The following ACO2 variants were observed in gnomAD, a reference collection of about 807,000 sequenced individuals.
The protein encoded by ACO2 is aconitase 2.
A neutral mutation model predicts 84.5 loss-of-function variants in ACO2; 31 were observed. The ratio of observed to expected loss-of-function variants is 0.37; its 90% CI spans 0.28 to 0.50. The LOEUF (loss-of-function observed/expected upper bound fraction) is 0.50. Ranked by LOEUF, ACO2 falls within the 20% of genes least tolerant of loss-of-function variation. ACO2 has a pLI of 0.97. For synonymous variants in ACO2, 414 were observed against 412.7 expected, an observed-to-expected ratio of 1.00 and a Z score of -0.04; for missense variants, 685 against 1,029.3, an observed-to-expected ratio of 0.67 and a Z score of 4.58.
intron 1 of ACO2, among the ~76,000 whole-genome samples, chr22:41,487,476 TG>T (rs1231728577): frequency 6.6e-6 from 1 of 152,226 alleles, no homozygotes; most frequent in African/African-American, 2.4e-5. Flanking sequence ...AGTCTGGGAC[TG>T]GAGAAACATT....
In ACO2 at chr22:41,520,638, C is replaced by T. The variant is rs183345135; in HGVS notation, c.1138+362C>T. Among the ~76,000 whole-genome samples the T allele has an allele frequency of 1.7e-3, 251 of 151,940 alleles. 1 individual carries two copies. Among genetic ancestry groups the T allele is most frequent in the Middle Eastern group, 6.8e-3 (2 of 294 alleles). On this transcript the variant is annotated intron_variant, in intron 9 of 17. Transcript: ENST00000216254. ...TGGGTGGATCATGAGGTCAGGAGAT[C>T]GAGACCATCCTGGCTAACACGGTGA...
chr22:41,472,920 G>A (rs1157487110), intron 1 of ACO2, among the ~76,000 whole-genome samples: 2 of 152,172 alleles, frequency 1.3e-5, no homozygotes, highest in Non-Finnish European at 2.9e-5. Context: ...GACCTTGGGG[G>A]AAGTCATGTA....
intron 1 of ACO2, among the ~76,000 whole-genome samples, chr22:41,472,782 C>T (rs1181821441): frequency 6.6e-6 from 1 of 152,060 alleles, no homozygotes; most frequent in Non-Finnish European, 1.5e-5. Flanking sequence ...CACATTTATT[C>T]TCTGGTTTTT....
intron 1 of ACO2, among the ~76,000 whole-genome samples, chr22:41,485,591 C>T (rs2038143946): frequency 6.6e-6 from 1 of 152,038 alleles, no homozygotes; most frequent in Admixed American, 6.6e-5. Context: ...CAGGCGCCCA[C>T]CACCACGCCC....
intron 1 of ACO2, among the ~76,000 whole-genome samples, chr22:41,478,705 T>TA (rs1318007973): frequency 6.6e-6 from 1 of 151,988 alleles, no homozygotes; most frequent in Admixed American, 6.6e-5. Context: ...TTGTGGGACT[T>TA]ACCAAAGAGG....
Position 41,528,653 on chromosome 22 carries a change from G to C in ACO2, c.*40G>C, listed in dbSNP as rs1161085897. On this transcript the variant is annotated 3_prime_UTR_variant, in exon 18 of 18. Transcript: ENST00000216254. ...CGCCCCGCCGCTGGCGTCAAGTTCAGCTCCACGTGTGCCATCAGTGGATCC... is the reference window on the plus strand; with the variant it reads ...CGCCCCGCCGCTGGCGTCAAGTTCACCTCCACGTGTGCCATCAGTGGATCC... 6.2e-7 allele frequency: 1 copy of C among 1,604,908 alleles called. No individual in the cohort carries two copies. Among genetic ancestry groups the C allele is most frequent in the Non-Finnish European group, 8.5e-7 (1 of 1,177,584 alleles).
chr22:41,506,552 C>T (rs2066394947), intron 2 of ACO2, among the ~76,000 whole-genome samples: 1 of 152,174 alleles, frequency 6.6e-6, no homozygotes, highest in Non-Finnish European at 1.5e-5. Flanking sequence ...CGCACCCGGC[C>T]TCATTCTGTT....
At chr22:41,475,758 C>T (rs1469179474) in intron 1 of ACO2, among the ~76,000 whole-genome samples, 2 of 151,718 alleles carry the variant, frequency 1.3e-5, no homozygotes, top group Admixed American at 6.6e-5. Flanking sequence ...ATTAGCCAGT[C>T]GTGGTGGCGC....
intron 1 of ACO2, among the ~76,000 whole-genome samples, chr22:41,469,818 A>G (rs2046156575): frequency 8.3e-6 from 1 of 120,622 alleles, no homozygotes; most frequent in Admixed American, 8.0e-5. Flanking sequence ...TAATCGTAGG[A>G]ATGAGGTGGT....
At chr22:41,487,212 T>G (rs2038168618) in intron 1 of ACO2, among the ~76,000 whole-genome samples, 1 of 152,194 alleles carries the variant, frequency 6.6e-6, no homozygotes, top group Admixed American at 6.5e-5. Flanking sequence ...TTGCAAGTGC[T>G]TTCTTGCACA....
At chr22:41,527,795 C>T (rs536677577) in intron 16 of ACO2, 106 bp from the exon 17 acceptor site, 1 of 1,565,786 alleles carries the variant, frequency 6.4e-7, no homozygotes, top group Non-Finnish European at 8.7e-7. Flanking sequence ...GGCATTGTCC[C>T]AGGCAGCAGG....
intron 8 of ACO2, among the ~76,000 whole-genome samples, chr22:41,519,669 G>C (rs939568047): frequency 3.3e-5 from 5 of 152,070 alleles, no homozygotes; most frequent in African/African-American, 1.2e-4. Flanking sequence ...TTAGCCAGAC[G>C]TGGTGGCGGG....
chr22:41,489,069 T>C (rs2066253688), intron 1 of ACO2, among the ~76,000 whole-genome samples: 2 of 152,100 alleles, frequency 1.3e-5, no homozygotes, highest in African/African-American at 4.8e-5. Flanking sequence ...GATAAGATCT[T>C]GCTCTGTGGT....
chr22:41,469,139 TGC>T lies in ACO2; in HGVS notation c.-7_-6del, dbSNP rs765588359. ...TTTAATGCGACCTCATCTTTGTCAG[TGC>T]ACAAAATGGCGCCCTACAGCCTACT... On this transcript the variant is annotated 5_prime_UTR_variant, in exon 1 of 18. Coordinates refer to ENST00000216254, the MANE Select transcript of ACO2 (RefSeq NM_001098.3). 4.4e-6 allele frequency: 7 copies of T among 1,608,846 alleles called. No homozygotes were observed. The highest frequency in any genetic ancestry group is 5.9e-6 in the Non-Finnish European group (7 of 1,177,480).
chr22:41,507,893 G>T lies in ACO2; in HGVS notation c.276G>T (p.Arg92=), dbSNP rs1360275165. The change falls in exon 3 of 18, where the codon CGG becomes CGT. Residue 92 remains arginine (R), a synonymous_variant. Transcript: ENST00000216254. ...GAGGCAAGTCGTACCTGCGGCTGCG[G>T]CCGGACCGTGTGGCCATGCAGGATG... is the stretch of plus-strand genomic sequence containing the variant. The part of the protein sequence containing the change: ...IERGKSYLRL[R]PDRVAMQDAT... The T allele has an allele frequency of 9.3e-6, 15 of 1,614,238 alleles. No individual in the cohort carries two copies. The highest frequency in any genetic ancestry group is 1.6e-4 in the Middle Eastern group (1 of 6,062).
In ACO2 at chr22:41,504,711, C is replaced by CTTTTTTTTTTTTTTTTTTTTTTTTTTT. The variant is rs926246283; in HGVS notation, c.174-3076_174-3050dup. Among the ~76,000 whole-genome samples the CTTTTTTTTTTTTTTTTTTTTTTTTTTT allele has an allele frequency of 6.2e-5, 3 of 48,604 alleles. 1 individual carries two copies. Among genetic ancestry groups the CTTTTTTTTTTTTTTTTTTTTTTTTTTT allele is most frequent in the African/African-American group, 1.5e-4 (2 of 12,910 alleles). The allele number at this position is 48,604 out of a possible 152,430, so 31.9% of individuals were successfully genotyped here. ...GCCAGCAGATCCAGCACCTTAGGGA[C>CTTTTTTTTTTTTTTTTTTTTTTTTTTT]TTTTTTTTTTTTTTTTTTTTTTTTT... On this transcript the variant is annotated intron_variant, in intron 2 of 17. Transcript: ENST00000216254.
intron 14 of ACO2, chr22:41,525,688 A>G (rs1172889897): frequency 3.3e-6 from 1 of 300,900 alleles, no homozygotes; most frequent in African/African-American, 2.1e-5. Flanking sequence ...AGCAGGCTCC[A>G]CACCTGGCAC....
intron 1 of ACO2, among the ~76,000 whole-genome samples, chr22:41,474,840 C>T (rs1276355178): frequency 6.6e-6 from 1 of 151,924 alleles, no homozygotes. Context: ...ACCTCATGAT[C>T]TGCCTGCCTC....
intron 2 of ACO2, among the ~76,000 whole-genome samples, chr22:41,501,870 T>G (rs1260872207): frequency 6.6e-6 from 1 of 152,152 alleles, no homozygotes; most frequent in African/African-American, 2.4e-5. Context: ...CACAGCATCA[T>G]CTAATTATAG....
Sources: allele counts gnomAD v4.1 joint callset (sites outside exome capture counted in the v4.1 genomes callset), GRCh38; gene constraint gnomAD v4.1.1; transcripts MANE v1.5; gene names NCBI Gene and HGNC (gene_info 2026-07-23, HGNC 2026-07-21).